The following COL4A5 variants were observed in gnomAD, a reference collection of about 807,000 sequenced individuals.
COL4A5 encodes the protein collagen alpha-5(IV) chain.
Under a neutral mutation model 130.2 loss-of-function variants are expected in COL4A5, and 26 were observed. That is an observed-to-expected ratio of 0.20 (90% CI 0.15 to 0.28). The LOEUF is 0.28. COL4A5 is among the 10% of genes least tolerant of loss of function. COL4A5 has a pLI of 1.00. For missense variants in COL4A5, 1,131 were observed against 1,344.3 expected (o/e 0.84, Z 2.48); for synonymous variants, 496 against 439.6 (o/e 1.13, Z -1.60).
intron 1 of COL4A5, among the ~76,000 whole-genome samples, chrX:108,478,593 C>A (rs746936314): frequency 2.7e-5 from 3 of 111,673 alleles, no homozygotes; most frequent in Non-Finnish European, 5.6e-5. Flanking sequence ...AAGGCCATTC[C>A]ACCGTTCTAT....
intron 1 of COL4A5, among the ~76,000 whole-genome samples, chrX:108,501,899 A>AAAGG (rs2065082825): frequency 1.8e-5 from 2 of 112,346 alleles, no homozygotes; most frequent in African/African-American, 6.5e-5. Context: ...AGACTATTTG[A>AAAGG]GAGGTAGGAA....
intron 36 of COL4A5, among the ~76,000 whole-genome samples, chrX:108,628,944 G>A (rs1277062537): frequency 1.8e-5 from 2 of 111,705 alleles, no homozygotes; most frequent in Non-Finnish European, 3.8e-5. Context: ...TCTGTATTAT[G>A]TTAGAATGTG....
At chrX:108,470,020 C>G (rs1052163192) in intron 1 of COL4A5, among the ~76,000 whole-genome samples, 1 of 112,296 alleles carries the variant, frequency 8.9e-6, no homozygotes, top group East Asian at 2.8e-4. Context: ...CACATATTCT[C>G]TATCCAATTC....
At chrX:108,530,353 A>G (rs181093610) in intron 1 of COL4A5, among the ~76,000 whole-genome samples, 137 of 110,813 alleles carry the variant, frequency 1.2e-3, no homozygotes, top group African/African-American at 4.0e-3. Context: ...TATTTGACAA[A>G]TGGGATCTAA....
At chrX:108,564,529 G>A (rs2065942347) in intron 4 of COL4A5, among the ~76,000 whole-genome samples, 1 of 112,011 alleles carries the variant, frequency 8.9e-6, no homozygotes, top group South Asian at 3.7e-4. Context: ...TTTCTCAAAA[G>A]CTTTTAAGTT....
intron 4 of COL4A5, among the ~76,000 whole-genome samples, chrX:108,566,380 C>T (rs1426622695): frequency 3.6e-5 from 4 of 110,450 alleles, no homozygotes; most frequent in Non-Finnish European, 7.6e-5. Context: ...TTTCAGAAAA[C>T]TCCATTGATC....
At chrX:108,476,519 C>CTTTTTT (rs55972915) in intron 1 of COL4A5, among the ~76,000 whole-genome samples, 12 of 55,850 alleles carry the variant, frequency 2.1e-4, no homozygotes, top group Admixed American at 2.1e-4. Flanking sequence ...TCTAACTGTT[C>CTTTTTT]TTTTTTTTTT....
chrX:108,485,751 C>T (rs1039431708), intron 1 of COL4A5, among the ~76,000 whole-genome samples: 2 of 109,997 alleles, frequency 1.8e-5, no homozygotes, highest in East Asian at 2.9e-4. Context: ...CTGTGGTGGA[C>T]GAGTGATCTT....
intron 47 of COL4A5, among the ~76,000 whole-genome samples, chrX:108,684,113 C>T (rs773344669): frequency 8.1e-5 from 9 of 111,475 alleles, no homozygotes; most frequent in African/African-American, 1.6e-4. Flanking sequence ...ACAGCTAAAG[C>T]GGTGTTTAGA....
At chrX:108,516,522 A>G (rs1054237969) in intron 1 of COL4A5, among the ~76,000 whole-genome samples, 10 of 112,056 alleles carry the variant, frequency 8.9e-5, no homozygotes, top group Non-Finnish European at 1.3e-4. Flanking sequence ...AATGAAACAC[A>G]GGATACGTCT....
At chrX:108,592,207 T>C (rs1024654595) in intron 21 of COL4A5, among the ~76,000 whole-genome samples, 1 of 111,756 alleles carries the variant, frequency 8.9e-6, no homozygotes, top group South Asian at 3.8e-4. Context: ...TTTACTTACC[T>C]ACTTGCACCT....
rs1603329040 is a variant in COL4A5 at position 108,696,198 on chromosome X, A to T, written c.4995-99A>T. The stretch of plus-strand genomic sequence containing the variant: ...AAACCATTAAGTCACCAAGAGAGCT[A>T]CTTAACACACAAAAAATGTTTAGTT... On this transcript the variant is annotated intron_variant, in intron 52 of 52. Coordinates refer to ENST00000328300, the MANE Select transcript of COL4A5 (RefSeq NM_033380.3). The T allele has an allele frequency of 8.9e-6, 6 of 677,269 alleles. No individual in the cohort carries two copies. In the East Asian group the frequency reaches 1.6e-4, roughly 18 times the overall value. The allele number at this position is 677,269 out of a possible 1,213,427, so 55.8% of individuals were successfully genotyped here. A position where few individuals can be genotyped will look rare whatever the true frequency, so the allele number is the denominator to read the frequency against.
At chrX:108,560,337 G>A (rs190765051) in intron 3 of COL4A5, among the ~76,000 whole-genome samples, 6 of 112,436 alleles carry the variant, frequency 5.3e-5, no homozygotes, top group Admixed American at 9.4e-5. Context: ...ATGAGGTGCT[G>A]GCAATTCCAG....
intron 47 of COL4A5, among the ~76,000 whole-genome samples, chrX:108,683,982 A>G (rs186882364): frequency 2.9e-4 from 32 of 111,734 alleles, no homozygotes; most frequent in African/African-American, 9.4e-4. Context: ...GCACAACTAC[A>G]TGGAAACTGT....
intron 1 of COL4A5, among the ~76,000 whole-genome samples, chrX:108,506,341 CATCTATCT>C (rs59216072): frequency 0.3 from 29,623 of 97,784 alleles, 3,640 homozygotes; most frequent in Admixed American, 0.36. Context: ...TTTATTCTAT[CATCTATCT>C]ATCTATCTAT....
chrX:108,635,441 A>G (rs1196821650), intron 36 of COL4A5, among the ~76,000 whole-genome samples: 2 of 111,862 alleles, frequency 1.8e-5, no homozygotes, highest in African/African-American at 6.5e-5. Context: ...AACTATATGA[A>G]TCTGTAATGC....
intron 1 of COL4A5, among the ~76,000 whole-genome samples, chrX:108,506,912 T>A (rs1005168140): frequency 1.8e-5 from 2 of 110,939 alleles, no homozygotes; most frequent in Admixed American, 9.5e-5. Context: ...CACCTGGTGG[T>A]CATTGTTTAT....
intron 1 of COL4A5, among the ~76,000 whole-genome samples, chrX:108,486,541 A>G (rs1305706155): frequency 9.0e-6 from 1 of 111,542 alleles, no homozygotes; most frequent in Non-Finnish European, 1.9e-5. Flanking sequence ...CACTGTACTC[A>G]ATGTGCAGTC....
chrX:108,448,923 C>T (rs144779936), intron 1 of COL4A5, among the ~76,000 whole-genome samples: 1 of 111,764 alleles, frequency 8.9e-6, no homozygotes, highest in African/African-American at 3.2e-5. Context: ...ATGGCTGCTG[C>T]AGTTCCAGGA....
Sources: gnomAD v4.1 joint callset for allele counts (sites outside exome capture counted in the v4.1 genomes callset) on GRCh38, gnomAD v4.1.1 for gene constraint, MANE v1.5 for transcripts, NCBI Gene and HGNC (gene_info 2026-07-23, HGNC 2026-07-21) for gene names.